Variants in TDRD12 observed in about 807,000 individuals in gnomAD.
TDRD12 encodes the protein putative ATP-dependent RNA helicase TDRD12.
Under a neutral mutation model 133.5 loss-of-function variants are expected in TDRD12, and 158 were observed. That is an observed-to-expected ratio of 1.18 (90% CI 1.04 to 1.35). TDRD12 has a LOEUF of 1.35. TDRD12 is among the 40% of genes most tolerant of loss of function. The probability of loss-of-function intolerance (pLI) is 0.00; values close to 1 mark genes in which losing one functional copy is unlikely to be tolerated. For missense variants in TDRD12, 1,443 were observed against 1,321.3 expected (o/e 1.09, Z -1.43); for synonymous variants, 460 against 477.9 (o/e 0.96, Z 0.49).
chr19:32,782,537 A>AC (rs1568475308), intron 11 of TDRD12, among the ~76,000 whole-genome samples: 1 of 152,186 alleles, frequency 6.6e-6, no homozygotes. Flanking sequence ...TTGAGGAATC[A>AC]CCACACTGTC....
chr19:32,777,549 G>T (rs997664602), intron 11 of TDRD12, among the ~76,000 whole-genome samples: 1 of 151,814 alleles, frequency 6.6e-6, no homozygotes, highest in African/African-American at 2.4e-5. Flanking sequence ...TCTTTGGGTT[G>T]GTCTTTGCTT....
At chr19:32,772,835 A>G in exon 9 of TDRD12, 1 of 1,478,262 alleles carries the variant, frequency 6.8e-7, no homozygotes, top group Non-Finnish European at 9.0e-7. Flanking sequence ...GCATCTCTTT[A>G]AAAGATACAA....
At chr19:32,778,909 T>C (rs1970684836) in intron 11 of TDRD12, among the ~76,000 whole-genome samples, 1 of 152,228 alleles carries the variant, frequency 6.6e-6, no homozygotes, top group Non-Finnish European at 1.5e-5. Flanking sequence ...ACAACATCAG[T>C]TATCCTGTCA....
intron 11 of TDRD12, among the ~76,000 whole-genome samples, chr19:32,784,304 G>A (rs140264595): frequency 9.2e-5 from 14 of 152,066 alleles, no homozygotes; most frequent in East Asian, 7.7e-4. Flanking sequence ...ATTGATTTGC[G>A]TATGTTGAAC....
At chr19:32,810,622 G>C (rs555777594) in intron 23 of TDRD12, among the ~76,000 whole-genome samples, 2 of 152,334 alleles carry the variant, frequency 1.3e-5, no homozygotes, top group South Asian at 4.1e-4. Context: ...AGGTCAGCTC[G>C]ATACCTGGCA....
At chr19:32,823,542 AG>A (rs1967479271), downstream of TDRD12, among the ~76,000 whole-genome samples, 1 of 152,138 alleles carries the variant, frequency 6.6e-6, no homozygotes, top group Non-Finnish European at 1.5e-5. Flanking sequence ...TGAGAGGTGC[AG>A]GTGAGGAGAA....
In TDRD12 at chr19:32,820,539, T is replaced by C. The variant is rs182099506; in HGVS notation, c.3384-494T>C. 2.0e-5 allele frequency among the ~76,000 whole-genome samples: 3 copies of C among 152,274 alleles called. No individual in the cohort carries two copies. In the East Asian group the frequency reaches 5.8e-4, roughly 29 times the overall value. Reference sequence around the variant, plus strand: ...GTAGGATAAAATATGGGGCAGCACGTTGAATTTAGTACGTTCCCATATGTT... The same window carrying C: ...GTAGGATAAAATATGGGGCAGCACGCTGAATTTAGTACGTTCCCATATGTT... On this transcript the variant is annotated intron_variant, in intron 27 of 27. Transcript: ENST00000444215.
chr19:32,824,135 GTC>G (rs1967504002), downstream of TDRD12: 2 of 152,500 alleles, frequency 1.3e-5, no homozygotes, highest in African/African-American at 2.4e-5. Context: ...GAAGGAAAAC[GTC>G]ATGCACTTTC....
At chr19:32,755,430 A>AATTT (rs1969964061) in intron 6 of TDRD12, among the ~76,000 whole-genome samples, 1 of 152,312 alleles carries the variant, frequency 6.6e-6, no homozygotes, top group South Asian at 2.1e-4. Flanking sequence ...TTGTGGTTTA[A>AATTT]ATTTGCGTTT....
exon 10 of TDRD12, chr19:32,827,373 T>TTTTCTTTTCTTTTC: frequency 9.3e-6 from 1 of 107,364 alleles, no homozygotes. Context: ...TTTTCTTTTC[T>TTTTCTTTTCTTTTC]TTTTTTTTTT....
intron 18 of TDRD12, among the ~76,000 whole-genome samples, chr19:32,801,202 C>T (rs1265163487): frequency 2.5e-5 from 3 of 117,692 alleles, no homozygotes; most frequent in South Asian, 2.6e-4. Flanking sequence ...CCTGTCTCTA[C>T]GAAAAAAAAA....
chr19:32,795,508 C>T (rs1971200361), intron 14 of TDRD12, among the ~76,000 whole-genome samples: 1 of 152,028 alleles, frequency 6.6e-6, no homozygotes, highest in African/African-American at 2.4e-5. Context: ...GTAAATTTCC[C>T]ACTGACAGGG....
exon 21 of TDRD12, chr19:32,803,114 C>G: frequency 6.5e-7 from 1 of 1,528,106 alleles, no homozygotes; most frequent in Middle Eastern, 1.7e-4. Flanking sequence ...GCCTCTTTGT[C>G]CATATCTGAA....
At chr19:32,770,474 G>T (rs188105061) in intron 8 of TDRD12, among the ~76,000 whole-genome samples, 197 of 152,076 alleles carry the variant, frequency 1.3e-3, no homozygotes, top group African/African-American at 4.3e-3. Context: ...TTCTAATGAA[G>T]TTTCAAGGTC....
At position 32,720,094 on chromosome 19, in the gene TDRD12, A is replaced by T. The variant is rs1411050110; in HGVS notation, c.22A>T (p.Lys8Ter). ...GAGGATGCTCCAGCTCCTGGTGCTGAAGGTGAGCGCCGCCAAGCCAGACCC... is the reference window on the plus strand; with the variant it reads ...GAGGATGCTCCAGCTCCTGGTGCTGTAGGTGAGCGCCGCCAAGCCAGACCC... Residue 8 changes from lysine to a stop codon, truncating the protein, a stop_gained and splice_region_variant, in exon 1 of 28, where the codon AAG becomes TAG. Transcript: ENST00000444215. LOFTEE classifies it high-confidence loss of function. 1 of 1,547,890 alleles carries T rather than the reference A, an allele frequency of 6.5e-7. No homozygotes were observed. Among genetic ancestry groups the T allele is most frequent in the Non-Finnish European group, 8.7e-7 (1 of 1,146,176 alleles).
chr19:32,768,481 C>T (rs1312415085), intron 8 of TDRD12, among the ~76,000 whole-genome samples: 2 of 151,726 alleles, frequency 1.3e-5, no homozygotes, highest in Non-Finnish European at 2.9e-5. Flanking sequence ...CCTCAAACAC[C>T]TCAGCCTCCC....
downstream of TDRD12, among the ~76,000 whole-genome samples, chr19:32,821,882 C>T (rs937118725): frequency 1.3e-5 from 2 of 152,202 alleles, no homozygotes; most frequent in Non-Finnish European, 2.9e-5. Flanking sequence ...GTTGGCTGAC[C>T]TCGGCCAGGC....
chr19:32,756,687 C>T (rs1026647448), intron 7 of TDRD12, among the ~76,000 whole-genome samples: 2 of 152,114 alleles, frequency 1.3e-5, no homozygotes, highest in Non-Finnish European at 2.9e-5. Flanking sequence ...CGCCCGGCCT[C>T]AATTTCTTAT....
chr19:32,811,445 A>T (rs570098960), intron 24 of TDRD12, 25 bp downstream of exon 24: 6 of 1,516,616 alleles, frequency 4.0e-6, no homozygotes, highest in Non-Finnish European at 5.3e-6. Context: ...CTTTTTATCT[A>T]TTGTTGACTT....
Sources: allele counts gnomAD v4.1 joint callset (sites outside exome capture counted in the v4.1 genomes callset), GRCh38; gene constraint gnomAD v4.1.1; transcripts MANE v1.5; gene names NCBI Gene and HGNC (gene_info 2026-07-23, HGNC 2026-07-21).